NPPC: variants seen among roughly 807,000 people sequenced by gnomAD.
The protein encoded by NPPC is C-type natriuretic peptide.
Under a neutral mutation model 10.2 loss-of-function variants are expected in NPPC, and 4 were observed. The observed-to-expected ratio is 0.39, with a 90% CI of 0.19 to 0.90. The LOEUF (loss-of-function observed/expected upper bound fraction) is 0.90, where lower values mean the gene tolerates loss of function less well. Ranked by LOEUF, NPPC falls within the 40% of genes least tolerant of loss-of-function variation. The probability of loss-of-function intolerance (pLI) is 0.37; values close to 1 mark genes in which losing one functional copy is unlikely to be tolerated. For synonymous variants in NPPC, 83 were observed against 87.3 expected (o/e 0.95, Z 0.27); for missense variants, 182 against 173.8 (o/e 1.05, Z -0.26).
chr2:231,925,013 C>G (rs79260680), intron 2 of NPPC, among the ~76,000 whole-genome samples: 1 of 152,184 alleles, frequency 6.6e-6, no homozygotes, highest in Non-Finnish European at 1.5e-5. Flanking sequence ...AGCAGATGAT[C>G]GATGTCCCCT....
rs1399480393 is a variant in NPPC, at chr2:231,925,457, G to A, written c.349C>T (p.Arg117Ter). ...CCCAGGCCGCTCATGGAGCCGATTC[G>A]GTCCAGCTTGAGGCCGAAGCAGCCC... ...SKGCFGLKLD[R>*]IGSMSGLGC The change falls in exon 2 of 3, where the codon CGA becomes TGA. Residue 117 changes from arginine to a stop codon, truncating the protein, a stop_gained. Transcript: ENST00000409852. LOFTEE classifies it high-confidence loss of function. 6.2e-7 allele frequency: 1 copy of A among 1,610,856 alleles called. No homozygotes were observed. Among genetic ancestry groups the A allele is most frequent in the Non-Finnish European group, 8.5e-7 (1 of 1,178,828 alleles).
chr2:231,925,001 C>T (rs1182204802), intron 2 of NPPC, among the ~76,000 whole-genome samples: 3 of 152,134 alleles, frequency 2.0e-5, no homozygotes, highest in African/African-American at 7.2e-5. Context: ...GGCATGGTGG[C>T]CAGCAGATGA....
intron 2 of NPPC, among the ~76,000 whole-genome samples, chr2:231,923,219 G>C (rs1355048114): frequency 6.6e-6 from 1 of 152,234 alleles, no homozygotes; most frequent in Non-Finnish European, 1.5e-5. Context: ...AGTTTACACA[G>C]ATGACAGCTG....
At chr2:231,926,133 G>A (rs1180913051) in intron 1 of NPPC, 27 bp downstream of exon 1, 20 of 1,270,814 alleles carry the variant, frequency 1.6e-5, no homozygotes, top group Non-Finnish European at 1.3e-5. Context: ...CCTCTCCCAG[G>A]CTCGGCGTCC....
At chr2:231,923,800 C>T (rs1691962835) in intron 2 of NPPC, among the ~76,000 whole-genome samples, 2 of 152,242 alleles carry the variant, frequency 1.3e-5, no homozygotes, top group Non-Finnish European at 2.9e-5. Flanking sequence ...GGCCCAAGAA[C>T]AAAGCCCCTG....
intron 2 of NPPC, among the ~76,000 whole-genome samples, chr2:231,922,560 T>C (rs1691943994): frequency 6.6e-6 from 1 of 152,162 alleles, no homozygotes; most frequent in Admixed American, 6.5e-5. Context: ...GCAACACTCC[T>C]TCTTCCCCCA....
chr2:231,923,880 C>A (rs547617966), intron 2 of NPPC, among the ~76,000 whole-genome samples: 1 of 152,250 alleles, frequency 6.6e-6, no homozygotes, highest in Non-Finnish European at 1.5e-5. Context: ...AAAGTTTGAA[C>A]TTGATGCTTA....
rs955854710 is a variant in NPPC, at chr2:231,922,486, C to G, written c.*21-171G>C. On this transcript the variant is annotated intron_variant, in intron 2 of 2. Transcript: ENST00000409852. The stretch of plus-strand genomic sequence containing the variant: ...CCTTCCTGCAGAGGGGAGGAGCCCC[C>G]CATTGCGCACTCCCCAGGCCCCTTC... Among the ~76,000 whole-genome samples, 129 of 152,234 alleles carry G rather than the reference C, an allele frequency of 8.5e-4. 1 individual carries two copies. The highest frequency in any genetic ancestry group is 3.0e-3 in the African/African-American group (123 of 41,548).
intron 1 of NPPC, 91 bp downstream of exon 1, chr2:231,926,069 T>A: frequency 9.8e-7 from 1 of 1,019,228 alleles, no homozygotes; most frequent in East Asian, 3.2e-5. Flanking sequence ...CCGCCTGCCT[T>A]CCCTCTCTCC....
chr2:231,924,071 G>T (rs1236886468), intron 2 of NPPC, among the ~76,000 whole-genome samples: 1 of 152,224 alleles, frequency 6.6e-6, no homozygotes, highest in East Asian at 1.9e-4. Context: ...CAGAACTGGG[G>T]AGAGGCCCAC....
At chr2:231,923,497 G>T (rs1433132706) in intron 2 of NPPC, among the ~76,000 whole-genome samples, 1 of 152,208 alleles carries the variant, frequency 6.6e-6, no homozygotes, top group Non-Finnish European at 1.5e-5. Flanking sequence ...ATGATGTTCT[G>T]CTCTCTCACT....
rs1189764959 is a variant in NPPC, at chr2:231,922,180, T to G, written c.*156A>C. 6.6e-6 allele frequency: 1 copy of G among 151,498 alleles called. No homozygotes were observed. The highest frequency in any genetic ancestry group is 1.5e-5 in the Non-Finnish European group (1 of 67,890). The allele number at this position is 151,498 out of a possible 1,614,324, so 9.4% of individuals were successfully genotyped here. A position where few individuals can be genotyped will look rare whatever the true frequency, so the allele number is the denominator to read the frequency against. ...CCAAATAATAATAAAACAGCTGGTG[T>G]TGTGTATTCCCAGTACCAGGAAAAA... On this transcript the variant is annotated 3_prime_UTR_variant, in exon 3 of 3. Transcript: ENST00000409852.
intron 2 of NPPC, among the ~76,000 whole-genome samples, chr2:231,924,689 C>T (rs1422179423): frequency 6.6e-6 from 1 of 152,144 alleles, no homozygotes; most frequent in African/African-American, 2.4e-5. Context: ...CGGGGTGAGA[C>T]CCCACACCAG....
At chr2:231,925,323 G>A in intron 2 of NPPC, 82 bp downstream of exon 2, 6 of 1,221,984 alleles carry the variant, frequency 4.9e-6, no homozygotes, top group Non-Finnish European at 6.4e-6. Flanking sequence ...AGCAAAGGCG[G>A]CTCGCGCGCC....
In NPPC at chr2:231,926,349, AG is replaced by A. The variant is rs1241355413; in HGVS notation, c.-101del. On this transcript the variant is annotated 5_prime_UTR_variant, in exon 1 of 3. Transcript: ENST00000409852. ...ATGCGGAGCAGGCTGGCTGGGCTGC[AG>A]GGCGAGCAGGGTCCCAGTGCTGCGC... 1 of 705,324 alleles carries A rather than the reference AG, an allele frequency of 1.4e-6. No individual in the cohort carries two copies. The highest frequency in any genetic ancestry group is 2.0e-6 in the Non-Finnish European group (1 of 504,924). The allele number at this position is 705,324 out of a possible 1,614,324, so 43.7% of individuals were successfully genotyped here.
In NPPC at chr2:231,925,498, T is replaced by C; in HGVS notation, c.308A>G (p.Lys103Arg). ...PNARKYKGAN[K>R]KGLSKGCFGL... ...GAAGCAGCCCTTGGACAAGCCCTTC[T>C]TGTTGGCTCCTTTGTATTTGCGCGC... Residue 103 changes from lysine to arginine, a missense_variant, in exon 2 of 3, where the codon AAG (lysine) becomes AGG (arginine). Lys to Arg is a conservative substitution (Grantham distance 26). Coordinates refer to ENST00000409852, the MANE Select transcript of NPPC (RefSeq NM_024409.4). 1 of 1,613,114 alleles carries C rather than the reference T, an allele frequency of 6.2e-7. No individual in the cohort carries two copies. Among genetic ancestry groups the C allele is most frequent in the Non-Finnish European group, 8.5e-7 (1 of 1,179,722 alleles).
chr2:231,925,842 G>A, intron 1 of NPPC, 127 bp from the exon 2 acceptor site: 1 of 1,175,588 alleles, frequency 8.5e-7, no homozygotes, highest in Non-Finnish European at 1.1e-6. Context: ...CCCCACCGAT[G>A]CCGGCCAGCT....
At chr2:231,923,836 C>A (rs1027732389) in intron 2 of NPPC, among the ~76,000 whole-genome samples, 2 of 152,206 alleles carry the variant, frequency 1.3e-5, no homozygotes, top group Non-Finnish European at 2.9e-5. Flanking sequence ...CAGGTACGAA[C>A]CAATGGAGAG....
At chr2:231,926,102 C>T in intron 1 of NPPC, 58 bp downstream of exon 1, 1 of 1,206,616 alleles carries the variant, frequency 8.3e-7, no homozygotes, top group Non-Finnish European at 1.1e-6. Flanking sequence ...GCCGCATTCT[C>T]CAAGCCCCCA....
Sources: allele counts gnomAD v4.1 joint callset (sites outside exome capture counted in the v4.1 genomes callset), GRCh38; gene constraint gnomAD v4.1.1; transcripts MANE v1.5; gene names NCBI Gene and HGNC (gene_info 2026-07-23, HGNC 2026-07-21).